The following ATRNL1 variants were observed in gnomAD, a reference collection of about 807,000 sequenced individuals.
ATRNL1 encodes the protein attractin-like protein 1.
ATRNL1 carries 95 observed loss-of-function variants against 182.7 expected under a neutral mutation model. That is an observed-to-expected ratio of 0.52 (90% CI 0.44 to 0.62). ATRNL1 has a LOEUF of 0.62. ATRNL1 is among the 20% of genes least tolerant of loss of function. The probability of loss-of-function intolerance (pLI) is 0.00; values close to 1 mark genes in which losing one functional copy is unlikely to be tolerated. For synonymous variants in ATRNL1, 576 were observed against 568.3 expected (o/e 1.01, Z -0.19); for missense variants, 1,471 against 1,679.5 (o/e 0.88, Z 2.17).
chr10:115,270,200 CTA>C (rs1177534370), intron 13 of ATRNL1, among the ~76,000 whole-genome samples: 46 of 142,584 alleles, frequency 3.2e-4, no homozygotes, highest in Admixed American at 8.5e-4. Flanking sequence ...CAGAATCTGT[CTA>C]TATATATATA....
chr10:115,173,827 T>C (rs1847386250), intron 8 of ATRNL1, among the ~76,000 whole-genome samples: 1 of 151,386 alleles, frequency 6.6e-6, no homozygotes, highest in Admixed American at 6.6e-5. Context: ...GTTATTATTG[T>C]TTAGTGTTTT....
At chr10:115,212,668 C>T (rs553968411) in intron 8 of ATRNL1, among the ~76,000 whole-genome samples, 6 of 151,852 alleles carry the variant, frequency 4.0e-5, no homozygotes, top group South Asian at 2.1e-4. Context: ...TATGCAGCCA[C>T]GAAAAAGAAA....
In ATRNL1 at chr10:115,364,123, T is replaced by C. The variant is rs1856897498; in HGVS notation, c.3175+29704T>C. Among the ~76,000 whole-genome samples the C allele has an allele frequency of 2.1e-5, 3 of 144,822 alleles. No individual in the cohort carries two copies. The South Asian group carries it at 6.9e-4, about 34-fold the overall frequency. The stretch of plus-strand genomic sequence containing the variant: ...ATTACCTTGGGCAGTATGGGCATTT[T>C]CACGATATTGATTCTTCCTACCCGT... On this transcript the variant is annotated intron_variant, in intron 19 of 28. Transcript: ENST00000355044.
intron 6 of ATRNL1, among the ~76,000 whole-genome samples, chr10:115,165,247 C>T (rs1230218813): frequency 6.6e-6 from 1 of 151,854 alleles, no homozygotes; most frequent in South Asian, 2.1e-4. Context: ...AGTCAAATCA[C>T]TATTGTTTAG....
Position 115,369,811 on chromosome 10 carries a change from A to G in ATRNL1, c.3176-24848A>G, listed in dbSNP as rs79048089. On this transcript the variant is annotated intron_variant, in intron 19 of 28. Coordinates refer to ENST00000355044, the MANE Select transcript of ATRNL1 (RefSeq NM_207303.4). ...TATCTCACTATGGTTTTAATTTGCT[A>G]TTCCCTGATGATAAATGATGTGGAA... 3.8e-3 allele frequency among the ~76,000 whole-genome samples: 574 copies of G among 152,262 alleles called. 4 individuals are homozygous for G. Among genetic ancestry groups the G allele is most frequent in the African/African-American group, 0.013 (550 of 41,544 alleles).
chr10:115,576,657 G>A (rs1854729335), intron 26 of ATRNL1, among the ~76,000 whole-genome samples: 1 of 151,990 alleles, frequency 6.6e-6, no homozygotes, highest in Non-Finnish European at 1.5e-5. Context: ...TACATGGTTT[G>A]CAAACGTTTT....
chr10:115,607,512 T>C (rs529460150), intron 26 of ATRNL1, among the ~76,000 whole-genome samples: 114 of 151,972 alleles, frequency 7.5e-4, no homozygotes, highest in African/African-American at 2.7e-3. Flanking sequence ...ATAGTTATTT[T>C]TGCCCTAATA....
At chr10:115,828,068 A>G (rs562459715) in intron 27 of ATRNL1, among the ~76,000 whole-genome samples, 1 of 152,252 alleles carries the variant, frequency 6.6e-6, no homozygotes, top group South Asian at 2.1e-4. Context: ...CTGTAATCCC[A>G]GCACTTTGGG....
At chr10:115,648,338 A>T (rs1349323527) in intron 26 of ATRNL1, among the ~76,000 whole-genome samples, 3 of 152,214 alleles carry the variant, frequency 2.0e-5, no homozygotes, top group Non-Finnish European at 4.4e-5. Flanking sequence ...TTCCATGCTC[A>T]TGGATAGAAA....
chr10:115,516,133 C>T (rs1182448359), intron 24 of ATRNL1, among the ~76,000 whole-genome samples: 2 of 151,890 alleles, frequency 1.3e-5, no homozygotes, highest in Non-Finnish European at 2.9e-5. Flanking sequence ...ACTGTCTACT[C>T]TTGAACATTT....
Position 115,541,724 on chromosome 10 carries a change from A to G in ATRNL1, c.3717-7734A>G, listed in dbSNP as rs569685309. ...ACGAACATAGTGTTGAATGATAGAG[A>G]CAGAAACAAAAAAAATACTATAGTG... On this transcript the variant is annotated intron_variant, in intron 25 of 28. Coordinates refer to ENST00000355044, the MANE Select transcript of ATRNL1 (RefSeq NM_207303.4). Among the ~76,000 whole-genome samples the G allele has an allele frequency of 2.0e-5, 3 of 152,324 alleles. No individual in the cohort carries two copies. The South Asian group carries it at 6.2e-4, about 32-fold the overall frequency.
At chr10:115,096,945 T>C in intron 1 of ATRNL1, 1 of 407,392 alleles carries the variant, frequency 2.5e-6, no homozygotes, top group Non-Finnish European at 3.5e-6. Flanking sequence ...ATACAGACTC[T>C]AATTCAAGTT....
At chr10:115,909,723 G>T (rs1555115475) in intron 28 of ATRNL1, 5 of 151,380 alleles carry the variant, frequency 3.3e-5, no homozygotes, top group African/African-American at 1.2e-4. Flanking sequence ...GAATTATCAT[G>T]CCTTGAGAAA....
chr10:115,454,709 G>A (rs1847441261), intron 21 of ATRNL1, among the ~76,000 whole-genome samples: 1 of 152,022 alleles, frequency 6.6e-6, no homozygotes, highest in African/African-American at 2.4e-5. Flanking sequence ...CATTGCTAGT[G>A]TATAGCAATG....
intron 27 of ATRNL1, among the ~76,000 whole-genome samples, chr10:115,746,421 A>G (rs1349467755): frequency 6.6e-6 from 1 of 152,114 alleles, no homozygotes; most frequent in Non-Finnish European, 1.5e-5. Context: ...TAGGAAAATC[A>G]TTATACCTGA....
At chr10:115,368,572 C>T (rs1564963484) in intron 19 of ATRNL1, among the ~76,000 whole-genome samples, 1 of 152,004 alleles carries the variant, frequency 6.6e-6, no homozygotes, top group Non-Finnish European at 1.5e-5. Context: ...CTACAGTCAC[C>T]ATGGCTGTAG....
At chr10:115,214,971 A>C (rs1849172077) in intron 8 of ATRNL1, among the ~76,000 whole-genome samples, 1 of 152,186 alleles carries the variant, frequency 6.6e-6, no homozygotes. Flanking sequence ...CTATGATCAC[A>C]TTTGCCACTG....
chr10:115,361,822 A>G (rs1554944291), intron 19 of ATRNL1, among the ~76,000 whole-genome samples: 1 of 152,044 alleles, frequency 6.6e-6, no homozygotes, highest in East Asian at 1.9e-4. Context: ...TTTTTGAAAC[A>G]GTGCTATTTT....
intron 5 of ATRNL1, 53 bp downstream of exon 5, chr10:115,129,588 G>A (rs976298432): frequency 2.2e-5 from 31 of 1,436,804 alleles, no homozygotes; most frequent in Middle Eastern, 3.5e-4. Flanking sequence ...ATATGTAATA[G>A]ATTAATACAA....
Sources: allele counts gnomAD v4.1 joint callset (sites outside exome capture counted in the v4.1 genomes callset), GRCh38; gene constraint gnomAD v4.1.1; transcripts MANE v1.5; gene names NCBI Gene and HGNC (gene_info 2026-07-23, HGNC 2026-07-21).